KIFC2: variants seen among roughly 807,000 people sequenced by gnomAD.
The protein encoded by KIFC2 is kinesin-like protein KIFC2.
KIFC2 carries 94 observed loss-of-function variants against 91.5 expected under a neutral mutation model. The observed-to-expected ratio is 1.03, with a 90% CI of 0.87 to 1.22. KIFC2 has a LOEUF of 1.22. Ranked by LOEUF, KIFC2 falls within the 50% of genes most tolerant of loss-of-function variation. The probability of loss-of-function intolerance (pLI) is 0.00; values close to 1 mark genes in which losing one functional copy is unlikely to be tolerated. For missense variants in KIFC2, 1,357 were observed against 1,103.3 expected (o/e 1.23, Z -3.26); for synonymous variants, 729 against 503.9 (o/e 1.45, Z -5.98).
Position 144,467,119 on chromosome 8 carries a change from G to C in KIFC2, c.330+9G>C. 6.2e-7 allele frequency: 1 copy of C among 1,606,906 alleles called. No homozygotes were observed. The highest frequency in any genetic ancestry group is 8.5e-7 in the Non-Finnish European group (1 of 1,176,864). ...CGGCGGACCTGGGCCAGGTGAGCGC[G>C]GCGGAGGGGGCTGCTGGCAGGTACC... is the stretch of plus-strand genomic sequence containing the variant. On this transcript the variant is annotated intron_variant, in intron 3 of 17. Coordinates refer to ENST00000645548, the MANE Select transcript of KIFC2 (RefSeq NM_001369769.2).
intron 10 of KIFC2, among the ~76,000 whole-genome samples, 195 bp downstream of exon 10, chr8:144,469,029 C>T (rs1380697916): frequency 1.3e-5 from 2 of 152,220 alleles, no homozygotes; most frequent in African/African-American, 2.4e-5. Flanking sequence ...ACAGTAAACT[C>T]TTAAAGCATT....
At position 144,467,719 on chromosome 8, in the gene KIFC2, G is replaced by A. The variant is rs766313430; in HGVS notation, c.621G>A (p.Glu207=). The stretch of plus-strand genomic sequence containing the variant: ...TCTCTCTTACTTCTCCCCAGCTGGA[G>A]GAGCTGAAGCAGCAGCTGGAACAGC... ...RLEQLILGQL[E]ELKQQLEQQE... The change falls in exon 6 of 18, where the codon GAG becomes GAA. Residue 207 remains glutamate (E), a synonymous_variant. Coordinates refer to ENST00000645548, the MANE Select transcript of KIFC2 (RefSeq NM_001369769.2). The A allele has an allele frequency of 1.3e-5, 21 of 1,613,754 alleles. No individual in the cohort carries two copies. The East Asian group carries it at 2.2e-4, about 17-fold the overall frequency.
chr8:144,467,847 C>T lies in KIFC2; in HGVS notation c.682-12C>T, dbSNP rs199800061. 1.0e-3 allele frequency: 1,667 copies of T among 1,613,394 alleles called. 23 individuals carry two copies. The highest frequency in any genetic ancestry group is 2.6e-3 in the Middle Eastern group (16 of 6,058). On this transcript the variant is annotated splice_polypyrimidine_tract_variant and intron_variant, in intron 6 of 17. Transcript: ENST00000645548. ...GTGCTTCAGGTGAGTGCCGAGGTTTCCTCTCCACCAGGGGGCGACGGACTC... is the reference window on the plus strand; with the variant it reads ...GTGCTTCAGGTGAGTGCCGAGGTTTTCTCTCCACCAGGGGGCGACGGACTC...
rs778519848 is a variant in KIFC2, at chr8:144,467,523, G to A, written c.508G>A (p.Ala170Thr). Residue 170 changes from alanine to threonine, a missense_variant, in exon 5 of 18, where the codon GCA becomes ACA. Transcript: ENST00000645548. ...SQEESPSHFT[A>T]VPGEPLGDET... ...AGAAGAAAGCCCTTCCCACTTCACC[G>A]CAGTCCCAGGCGAGCCACTGGGGGA... 3 of 1,596,130 alleles carry A rather than the reference G, an allele frequency of 1.9e-6. No individual in the cohort carries two copies. The highest frequency in any genetic ancestry group is 1.8e-5 in the Admixed American group (1 of 56,578).
chr8:144,473,277 C>T lies in KIFC2; in HGVS notation c.2264C>T (p.Pro755Leu). The change falls in exon 18 of 18, where the codon CCG becomes CTG. Residue 755 changes from proline (P) to leucine (L), a missense_variant. Physicochemically the swap from Pro to Leu is moderately conservative, Grantham distance 98. Transcript: ENST00000645548. ...CCTTCTTCCCTCAGCACCGACACTC[C>T]GCTCACCGGGACCCCCTGCACCCCT... ...GTPSSLSTDT[P>L]LTGTPCTPTP... The T allele has an allele frequency of 6.2e-7, 1 of 1,606,002 alleles. No individual in the cohort carries two copies. The highest frequency in any genetic ancestry group is 8.5e-7 in the Non-Finnish European group (1 of 1,177,228).
Position 144,474,038 on chromosome 8 carries a change from T to G in KIFC2, c.*649T>G. 3.4e-6 allele frequency: 2 copies of G among 588,872 alleles called. No individual in the cohort carries two copies. The highest frequency in any genetic ancestry group is 6.0e-6 in the Non-Finnish European group (2 of 332,736). The allele number at this position is 588,872 out of a possible 1,614,324, so 36.5% of individuals were successfully genotyped here. On this transcript the variant is annotated 3_prime_UTR_variant, in exon 18 of 18. Coordinates refer to ENST00000645548, the MANE Select transcript of KIFC2 (RefSeq NM_001369769.2). Reference sequence around the variant, plus strand: ...CCGCTGAGTGTAGGAAAAACAGGCATGACAGACCAGGGTGAGGGTTGTGCC... The same window carrying G: ...CCGCTGAGTGTAGGAAAAACAGGCAGGACAGACCAGGGTGAGGGTTGTGCC...
chr8:144,469,910 T>C (rs1824860294), intron 12 of KIFC2, among the ~76,000 whole-genome samples: 1 of 152,238 alleles, frequency 6.6e-6, no homozygotes, highest in Non-Finnish European at 1.5e-5. Flanking sequence ...GGGCCCCTCA[T>C]TGCTTTATGG....
chr8:144,469,694 C>T (rs371302972), intron 12 of KIFC2, 47 bp downstream of exon 12: 5 of 1,534,582 alleles, frequency 3.3e-6, no homozygotes, highest in Middle Eastern at 1.8e-4. Context: ...TCAGAGTTCC[C>T]TGAAGAGCAG....
intron 10 of KIFC2, 101 bp from the exon 11 acceptor site, chr8:144,469,170 G>C (rs1201269972): frequency 8.5e-6 from 8 of 946,042 alleles, no homozygotes; most frequent in African/African-American, 1.7e-5. Flanking sequence ...ACAGCTGAGC[G>C]GGCCTGTGGG....
In KIFC2 at chr8:144,472,916, C is replaced by T. The variant is rs552306814; in HGVS notation, c.1983C>T (p.Arg661=). The T allele has an allele frequency of 1.2e-5, 18 of 1,495,928 alleles. No individual in the cohort carries two copies. In the South Asian group the frequency reaches 2.1e-4, roughly 17 times the overall value. 92.7% of individuals were successfully genotyped at this position (1,495,928 alleles called of 1,614,324 possible). The change falls in exon 17 of 18, where the codon CGC becomes CGT. Residue 661 remains arginine (R), a synonymous_variant. Coordinates refer to ENST00000645548, the MANE Select transcript of KIFC2 (RefSeq NM_001369769.2). ...RRLREAQTIN[R]SLLALGGVMA... The stretch of plus-strand genomic sequence containing the variant: ...TGCGGGAGGCCCAGACCATAAACCG[C>T]TCGCTGCTGGCGCTAGGAGGCGTGA...
chr8:144,467,138 A>C (rs199946114), intron 3 of KIFC2, 28 bp downstream of exon 3: 2 of 1,610,902 alleles, frequency 1.2e-6, no homozygotes, highest in Non-Finnish European at 8.5e-7. Flanking sequence ...GGCTGCTGGC[A>C]GGTACCACCT....
At chr8:144,468,297 C>G (rs375414589) in intron 7 of KIFC2, 32 bp from the exon 8 acceptor site, 3 of 1,574,792 alleles carry the variant, frequency 1.9e-6, no homozygotes, top group African/African-American at 2.7e-5. Context: ...CCGTCCCTCT[C>G]TGAGTCCCTC....
rs753921492 is a variant in KIFC2, at chr8:144,473,232, T to C, written c.2219T>C (p.Val740Ala). The change falls in exon 18 of 18, where the codon GTC becomes GCC. Residue 740 changes from valine (V) to alanine (A), a missense_variant. By Grantham distance (64) the Val-to-Ala change is moderately conservative. Transcript: ENST00000645548. ...VELGPARRRRVPRSSGTPSSL... is the reference protein window; with the variant it reads ...VELGPARRRRAPRSSGTPSSL... ...CTGGGGCCAGCCCGGCGCCGCAGGG[T>C]CCCGCGCTCCTCCGGGACGCCTTCT... The C allele has an allele frequency of 6.3e-7, 1 of 1,598,590 alleles. No individual in the cohort carries two copies.
chr8:144,467,290 C>T lies in KIFC2; in HGVS notation c.418C>T (p.Leu140=). 2.5e-6 allele frequency: 4 copies of T among 1,613,280 alleles called. No individual in the cohort carries two copies. The highest frequency in any genetic ancestry group is 2.2e-5 in the East Asian group (1 of 44,894). Residue 140 remains leucine, a synonymous_variant, in exon 4 of 18, where the codon CTG becomes TTG. Transcript: ENST00000645548. ...TCGAAGCCCCAGGGGGAGGCAGGCC[C>T]TGCTCCAGGGGACTCAGCCAGCCCC... ...WLRSPRGRQA[L]LQGTQPAPRV...
In KIFC2 at chr8:144,472,127, C is replaced by T. The variant is rs1349616872; in HGVS notation, c.1486-11C>T. On this transcript the variant is annotated splice_polypyrimidine_tract_variant and intron_variant, in intron 13 of 17. Transcript: ENST00000645548. ...GATGTGAGCCCGGTGTGCACCCCAC[C>T]CCATCCTCAGGGCCCTCCTGAGGAC... The T allele has an allele frequency of 3.7e-6, 6 of 1,613,152 alleles. No individual in the cohort carries two copies. Among genetic ancestry groups the T allele is most frequent in the East Asian group, 2.2e-5 (1 of 44,874 alleles).
chr8:144,467,409 C>G (rs982111442), intron 4 of KIFC2, 68 bp downstream of exon 4: 3 of 1,544,960 alleles, frequency 1.9e-6, no homozygotes, highest in Non-Finnish European at 2.6e-6. Context: ...CCTGGGCGGC[C>G]TGGAGTTCGG....
Position 144,472,349 on chromosome 8 carries a change from C to T in KIFC2, c.1608-12C>T, listed in dbSNP as rs372722994. ...AGAATTCTGGAACCAAGACCTTCCCCTTTCTCACCAGGGACCTCCTTGCTC... is the reference window on the plus strand; with the variant it reads ...AGAATTCTGGAACCAAGACCTTCCCTTTTCTCACCAGGGACCTCCTTGCTC... On this transcript the variant is annotated splice_polypyrimidine_tract_variant and intron_variant, in intron 14 of 17. Coordinates refer to ENST00000645548, the MANE Select transcript of KIFC2 (RefSeq NM_001369769.2). 6.2e-6 allele frequency: 10 copies of T among 1,613,508 alleles called. No homozygotes were observed. The African/African-American group carries it at 9.3e-5, about 15-fold the overall frequency.
At position 144,474,133 on chromosome 8, in the gene KIFC2, G is replaced by T. The variant is rs1586727003; in HGVS notation, c.*744G>T. The stretch of plus-strand genomic sequence containing the variant: ...GGACTCCCAGCAAGGCTGCTGCCTG[G>T]TGTTTCGAGGCTGCTGTGGTCGCAG... On this transcript the variant is annotated 3_prime_UTR_variant, in exon 18 of 18. Coordinates refer to ENST00000645548, the MANE Select transcript of KIFC2 (RefSeq NM_001369769.2). The T allele has an allele frequency of 2.3e-6, 2 of 858,880 alleles. No individual in the cohort carries two copies. The highest frequency in any genetic ancestry group is 3.5e-6 in the Non-Finnish European group (2 of 565,894). 53.2% of individuals were successfully genotyped at this position (858,880 alleles called of 1,614,324 possible). A position where few individuals can be genotyped will look rare whatever the true frequency, so the allele number is the denominator to read the frequency against.
rs962942429 is a variant in KIFC2, at chr8:144,466,534, C to G, written c.99+16C>G. 23 of 1,183,998 alleles carry G rather than the reference C, an allele frequency of 1.9e-5. No homozygotes were observed. Among genetic ancestry groups the G allele is most frequent in the East Asian group, 3.5e-5 (1 of 28,348 alleles). 73.3% of individuals were successfully genotyped at this position (1,183,998 alleles called of 1,614,324 possible). Reference sequence around the variant, plus strand: ...CCCCGCCCAGGTGAGCGGGGCTGGCCGTGCAGCCCGTCGTCTCCCGCCGCC... The same window carrying G: ...CCCCGCCCAGGTGAGCGGGGCTGGCGGTGCAGCCCGTCGTCTCCCGCCGCC... On this transcript the variant is annotated intron_variant, in intron 1 of 17. Transcript: ENST00000645548.
Sources: gnomAD v4.1 joint callset for allele counts (sites outside exome capture counted in the v4.1 genomes callset) on GRCh38, gnomAD v4.1.1 for gene constraint, MANE v1.5 for transcripts, NCBI Gene and HGNC (gene_info 2026-07-23, HGNC 2026-07-21) for gene names.